The following FER variants were observed in gnomAD, a reference collection of about 807,000 sequenced individuals.
FER encodes tyrosine-protein kinase Fer.
A neutral mutation model predicts 111.0 loss-of-function variants in FER; 63 were observed. The ratio of observed to expected loss-of-function variants is 0.57; its 90% confidence interval spans 0.46 to 0.70. FER has a LOEUF of 0.70. Ranked by LOEUF, FER falls within the 30% of genes least tolerant of loss-of-function variation. The probability of loss-of-function intolerance (pLI) is 0.00; values close to 1 mark genes in which losing one functional copy is unlikely to be tolerated. For missense variants in FER, 914 were observed against 954.0 expected, an observed-to-expected ratio of 0.96 and a Z score of 0.55; for synonymous variants, 327 against 313.9, an observed-to-expected ratio of 1.04 and a Z score of -0.44.
At chr5:109,074,922 A>G (rs1234574584) in intron 16 of FER, among the ~76,000 whole-genome samples, 1 of 152,258 alleles carries the variant, frequency 6.6e-6, no homozygotes, top group African/African-American at 2.4e-5. Flanking sequence ...TTGGAAATAT[A>G]AACAGAAACA....
chr5:109,051,364 C>G, intron 16 of FER: 1 of 1,611,338 alleles, frequency 6.2e-7, no homozygotes, highest in Non-Finnish European at 8.5e-7. Context: ...ACTGCTGGCT[C>G]TGCTTGAAGG....
rs1751775010 is a variant in FER, at chr5:109,126,708, GAA to G, written c.2048+26190_2048+26191del. On this transcript the variant is annotated intron_variant, in intron 17 of 19. Coordinates refer to ENST00000281092, the MANE Select transcript of FER (RefSeq NM_005246.4). ...CCAAGTATCACACTAGGTACTGGTT[GAA>G]TTGCTCCTTGTCATTATGTAACTCA... Among the ~76,000 whole-genome samples the G allele has an allele frequency of 2.6e-5, 4 of 152,126 alleles. 1 individual carries two copies. The highest frequency in any genetic ancestry group is 9.7e-5 in the African/African-American group (4 of 41,416).
At chr5:109,073,246 T>C (rs1272632319) in intron 16 of FER, among the ~76,000 whole-genome samples, 1 of 152,134 alleles carries the variant, frequency 6.6e-6, no homozygotes, top group Non-Finnish European at 1.5e-5. Flanking sequence ...AAAACAGTAG[T>C]TTATGTTCTG....
intron 9 of FER, among the ~76,000 whole-genome samples, chr5:108,895,241 T>A (rs1748899211): frequency 6.6e-6 from 1 of 152,190 alleles, no homozygotes; most frequent in Non-Finnish European, 1.5e-5. Context: ...TAACTTTTTA[T>A]AATGGTTTAA....
rs960222093 is a variant in FER, at chr5:109,196,207, A to G, written c.*8632A>G. The G allele has an allele frequency of 2.0e-5, 3 of 152,140 alleles. No individual in the cohort carries two copies. Among genetic ancestry groups the G allele is most frequent in the Non-Finnish European group, 4.4e-5 (3 of 68,032 alleles). The allele number at this position is 152,140 out of a possible 1,614,324, so 9.4% of individuals were successfully genotyped here. On this transcript the variant is annotated 3_prime_UTR_variant, in exon 20 of 20. Transcript: ENST00000281092. ...CTCTAGTCTAGGGCTCTCTTAGTGAATGGTTGTGGAAATATGATTTTTCTA... is the reference window on the plus strand; with the variant it reads ...CTCTAGTCTAGGGCTCTCTTAGTGAGTGGTTGTGGAAATATGATTTTTCTA...
chr5:108,861,615 T>A lies in FER; in HGVS notation c.482-6152T>A, dbSNP rs557865342. 1.1e-4 allele frequency among the ~76,000 whole-genome samples: 17 copies of A among 152,250 alleles called. No homozygotes were observed. The East Asian group carries it at 2.9e-3, about 26-fold the overall frequency. On this transcript the variant is annotated intron_variant, in intron 5 of 19. Coordinates refer to ENST00000281092, the MANE Select transcript of FER (RefSeq NM_005246.4). ...CACAAAACAAAGATAGGATACTGTGTCTGTTGAATGAAAAATAAGAATTTT... is the reference window on the plus strand; with the variant it reads ...CACAAAACAAAGATAGGATACTGTGACTGTTGAATGAAAAATAAGAATTTT...
At chr5:108,768,968 G>C (rs1752610269) in intron 2 of FER, among the ~76,000 whole-genome samples, 1 of 151,996 alleles carries the variant, frequency 6.6e-6, no homozygotes. Flanking sequence ...GGGATTACAG[G>C]AGCTCACCAC....
intron 3 of FER, among the ~76,000 whole-genome samples, chr5:108,810,333 T>C (rs1213727260): frequency 2.0e-5 from 3 of 152,194 alleles, no homozygotes; most frequent in African/African-American, 7.2e-5. Flanking sequence ...AGAAGCTCTC[T>C]GTTGCCTCAG....
At chr5:109,108,169 T>C (rs1302086653) in intron 17 of FER, among the ~76,000 whole-genome samples, 1 of 152,086 alleles carries the variant, frequency 6.6e-6, no homozygotes, top group Non-Finnish European at 1.5e-5. Context: ...TTTAACCTTA[T>C]ATTTCTATGA....
intron 8 of FER, among the ~76,000 whole-genome samples, chr5:108,879,004 A>G (rs1765373155): frequency 1.3e-5 from 2 of 152,090 alleles, no homozygotes; most frequent in Admixed American, 1.3e-4. Context: ...TCTCTGCTTC[A>G]GTTCTTCATA....
chr5:108,829,871 A>G (rs1279284837), intron 3 of FER, among the ~76,000 whole-genome samples: 1 of 152,184 alleles, frequency 6.6e-6, no homozygotes, highest in African/African-American at 2.4e-5. Context: ...ATACATATAG[A>G]TAAATAATTG....
intron 17 of FER, among the ~76,000 whole-genome samples, chr5:109,103,127 A>G (rs535907462): frequency 6.6e-6 from 1 of 152,234 alleles, no homozygotes; most frequent in South Asian, 2.1e-4. Context: ...TCAGGTAATG[A>G]GGAAAGGTTC....
intron 17 of FER, among the ~76,000 whole-genome samples, chr5:109,114,144 A>G (rs1196400109): frequency 6.6e-6 from 1 of 152,092 alleles, no homozygotes; most frequent in Non-Finnish European, 1.5e-5. Flanking sequence ...TCACTGTACT[A>G]ATCCCTCACT....
intron 5 of FER, among the ~76,000 whole-genome samples, chr5:108,854,020 A>C (rs999806274): frequency 2.6e-5 from 4 of 152,196 alleles, no homozygotes; most frequent in Non-Finnish European, 5.9e-5. Context: ...GAAGTGCTCA[A>C]ATTCTGTATA....
At chr5:108,857,751 T>C (rs899771631) in intron 5 of FER, among the ~76,000 whole-genome samples, 1 of 152,186 alleles carries the variant, frequency 6.6e-6, no homozygotes, top group Non-Finnish European at 1.5e-5. Flanking sequence ...TAATTTAATG[T>C]ATTAGAATGA....
chr5:108,793,842 A>T (rs1380492146), intron 2 of FER, among the ~76,000 whole-genome samples: 1 of 152,142 alleles, frequency 6.6e-6, no homozygotes, highest in South Asian at 2.1e-4. Flanking sequence ...ACTGTTTTAT[A>T]ACCCAGTATT....
At chr5:108,801,898 A>T (rs1048783494) in intron 3 of FER, among the ~76,000 whole-genome samples, 11 of 152,234 alleles carry the variant, frequency 7.2e-5, no homozygotes, top group Non-Finnish European at 1.5e-4. Flanking sequence ...TATAGCAAGG[A>T]TAACTGAGAT....
chr5:108,781,613 G>A (rs1336866793), intron 2 of FER, among the ~76,000 whole-genome samples: 1 of 152,190 alleles, frequency 6.6e-6, no homozygotes, highest in African/African-American at 2.4e-5. Flanking sequence ...GGTGTTGGGG[G>A]ATAGGAAGCA....
rs1471850002 is a variant in FER at position 109,194,219 on chromosome 5, T to G, written c.*6644T>G. ...TCCACTGTTCTATTGCCAATACCTT[T>G]TGTTGTTTTCTTCACACTCCTCTTG... On this transcript the variant is annotated 3_prime_UTR_variant, in exon 20 of 20. Coordinates refer to ENST00000281092, the MANE Select transcript of FER (RefSeq NM_005246.4). The G allele has an allele frequency of 6.6e-6, 1 of 152,214 alleles. No individual in the cohort carries two copies. The highest frequency in any genetic ancestry group is 1.9e-4 in the East Asian group (1 of 5,202). 9.4% of individuals were successfully genotyped at this position (152,214 alleles called of 1,614,324 possible).
Sources: gnomAD v4.1 joint callset for allele counts (sites outside exome capture counted in the v4.1 genomes callset) on GRCh38, gnomAD v4.1.1 for gene constraint, MANE v1.5 for transcripts, NCBI Gene and HGNC (gene_info 2026-07-23, HGNC 2026-07-21) for gene names.